EPHA5: variants seen among roughly 807,000 people sequenced by gnomAD.
EPHA5 encodes ephrin type-A receptor 5.
EPHA5 carries 60 observed loss-of-function variants against 105.0 expected under a neutral mutation model. That is an observed-to-expected ratio of 0.57 (90% CI 0.46 to 0.71). EPHA5 has a LOEUF of 0.71. Ranked by LOEUF, EPHA5 falls within the 30% of genes least tolerant of loss-of-function variation. The pLI is 0.00. For synonymous variants in EPHA5, 513 were observed against 449.1 expected (o/e 1.14, Z -1.80); for missense variants, 1,218 against 1,274.7 (o/e 0.96, Z 0.68).
chr4:65,355,328 A>G (rs1723196379), intron 11 of EPHA5, among the ~76,000 whole-genome samples: 1 of 151,732 alleles, frequency 6.6e-6, no homozygotes, highest in Non-Finnish European at 1.5e-5. Context: ...GTATTTGTAA[A>G]TGGCTCAAGA....
At chr4:65,612,600 C>A (rs1378200747) in intron 2 of EPHA5, among the ~76,000 whole-genome samples, 3 of 152,184 alleles carry the variant, frequency 2.0e-5, no homozygotes, top group Non-Finnish European at 2.9e-5. Context: ...AATTCTATAT[C>A]TCTGCTATTG....
chr4:65,336,632 G>C lies in EPHA5; in HGVS notation c.2596-507C>G, dbSNP rs139783802. ...AGTCAAAGGCTAAATTAGCATAACT[G>C]TCTCATGTATCATTTAATAATGTCA... is the stretch of plus-strand genomic sequence containing the variant. On this transcript the variant is annotated intron_variant, in intron 14 of 16. Coordinates refer to ENST00000613740, the MANE Select transcript of EPHA5 (RefSeq NM_001281766.3). Among the ~76,000 whole-genome samples the C allele has an allele frequency of 9.2e-5, 14 of 152,162 alleles. No individual in the cohort carries two copies. The East Asian group carries it at 2.5e-3, about 27-fold the overall frequency.
At chr4:65,509,476 G>A (rs1733386876) in intron 3 of EPHA5, among the ~76,000 whole-genome samples, 1 of 152,036 alleles carries the variant, frequency 6.6e-6, no homozygotes, top group African/African-American at 2.4e-5. Context: ...GGAAGAAAAA[G>A]GAAGCCAGGA....
At chr4:65,581,911 T>G (rs6825040) in intron 3 of EPHA5, among the ~76,000 whole-genome samples, 132,207 of 151,676 alleles carry the variant, frequency 0.87, 57,913 homozygotes, top group Non-Finnish European at 0.91. Flanking sequence ...AGTAATTTAC[T>G]TTAACAAAGT....
intron 3 of EPHA5, among the ~76,000 whole-genome samples, chr4:65,540,393 T>C (rs1232614926): frequency 6.9e-6 from 1 of 145,594 alleles, no homozygotes; most frequent in Non-Finnish European, 1.5e-5. Context: ...TCAGCAACCA[T>C]TTTTTTTTCC....
rs548719231 is a variant in EPHA5, at chr4:65,490,534, A to C, written c.1245T>G (p.Leu415=). The C allele has an allele frequency of 1.1e-5, 18 of 1,614,006 alleles. No homozygotes were observed. The African/African-American group carries it at 1.9e-4, about 17-fold the overall frequency. The part of the protein sequence containing the change: ...CEECGGHVRY[L]PRQSGLKNTS... ...TGTTTTTCAGGCCGCTTTGCCGGGG[A>C]AGGTACCTGACATGACCGCCACACT... is the stretch of plus-strand genomic sequence containing the variant. Residue 415 remains leucine (L), a synonymous_variant, in exon 5 of 17, where the codon CTT becomes CTG. Coordinates refer to ENST00000613740, the MANE Select transcript of EPHA5 (RefSeq NM_001281766.3).
intron 3 of EPHA5, among the ~76,000 whole-genome samples, chr4:65,583,894 G>T (rs1197646934): frequency 6.6e-6 from 1 of 151,314 alleles, no homozygotes; most frequent in Admixed American, 6.6e-5. Context: ...GTATATACTG[G>T]TTCATTAAAT....
chr4:65,637,035 T>TA lies in EPHA5; in HGVS notation c.246+6327dup, dbSNP rs770888436. On this transcript the variant is annotated intron_variant, in intron 2 of 16. Coordinates refer to ENST00000613740, the MANE Select transcript of EPHA5 (RefSeq NM_001281766.3). ...TGTCCAGAAGAAAAAAGAGGAGAGT[T>TA]AAAGTTACTATCATGAGGCAGACCA... Among the ~76,000 whole-genome samples, 14 of 152,000 alleles carry TA rather than the reference T, an allele frequency of 9.2e-5. 2 individuals carry two copies. The South Asian group carries it at 2.7e-3, about 29-fold the overall frequency.
At chr4:65,420,373 G>C (rs2149035986) in intron 6 of EPHA5, 68 bp downstream of exon 6, 1 of 1,431,462 alleles carries the variant, frequency 7.0e-7, no homozygotes, top group Non-Finnish European at 9.5e-7. Flanking sequence ...TCTGCAAGTT[G>C]GATAATTGTA....
chr4:65,501,992 G>A (rs192873173), intron 3 of EPHA5, among the ~76,000 whole-genome samples: 1 of 151,744 alleles, frequency 6.6e-6, no homozygotes, highest in Admixed American at 6.6e-5. Flanking sequence ...ACAAAAATAA[G>A]CAATAGGGGA....
chr4:65,561,829 G>T (rs753810540), intron 3 of EPHA5, among the ~76,000 whole-genome samples: 3 of 152,054 alleles, frequency 2.0e-5, no homozygotes. Context: ...TTTTAAGTAA[G>T]ATTGATATAC....
intron 2 of EPHA5, among the ~76,000 whole-genome samples, chr4:65,617,186 CCATAT>C (rs1240629433): frequency 6.6e-6 from 1 of 151,986 alleles, no homozygotes; most frequent in African/African-American, 2.4e-5. Context: ...TAGTGAAATA[CCATAT>C]CATATTATCT....
At chr4:65,648,071 A>C (rs946452330) in intron 1 of EPHA5, among the ~76,000 whole-genome samples, 2 of 152,196 alleles carry the variant, frequency 1.3e-5, no homozygotes, top group African/African-American at 4.8e-5. Context: ...AAGCTTTTAG[A>C]AAATTCACTT....
intron 3 of EPHA5, among the ~76,000 whole-genome samples, chr4:65,557,000 C>T (rs991701673): frequency 1.3e-5 from 2 of 151,602 alleles, no homozygotes; most frequent in Non-Finnish European, 2.9e-5. Context: ...TTCTGTTTGT[C>T]CTTTATTCGG....
chr4:65,371,345 G>C (rs773724724), intron 8 of EPHA5, among the ~76,000 whole-genome samples: 1 of 151,990 alleles, frequency 6.6e-6, no homozygotes, highest in Non-Finnish European at 1.5e-5. Context: ...GTCCTAGAGA[G>C]AGATGCTAGA....
chr4:65,636,557 C>T (rs898822279), intron 2 of EPHA5, among the ~76,000 whole-genome samples: 1 of 151,866 alleles, frequency 6.6e-6, no homozygotes, highest in Non-Finnish European at 1.5e-5. Context: ...TTAAGTGTCC[C>T]TTTGTGCATT....
In EPHA5 at chr4:65,482,225, G is replaced by A. The variant is rs1264519673; in HGVS notation, c.1402+8152C>T. The stretch of plus-strand genomic sequence containing the variant: ...AGGCAGGAGAAGTGCTTGAACCCAG[G>A]AGGCGGAGGTTACAGTGAGCCAAAA... On this transcript the variant is annotated intron_variant, in intron 5 of 16. Transcript: ENST00000613740. Among the ~76,000 whole-genome samples, 35 of 115,988 alleles carry A rather than the reference G, an allele frequency of 3.0e-4. No individual in the cohort carries two copies. The Admixed American group carries it at 3.6e-3, about 12-fold the overall frequency. 76.1% of individuals were successfully genotyped at this position (115,988 alleles called of 152,430 possible).
chr4:65,553,602 A>G (rs1738124168), intron 3 of EPHA5, among the ~76,000 whole-genome samples: 1 of 152,040 alleles, frequency 6.6e-6, no homozygotes. Flanking sequence ...ATCTGGTAAA[A>G]GAATAAGCAG....
chr4:65,508,292 G>A (rs1025000110), intron 3 of EPHA5, among the ~76,000 whole-genome samples: 8 of 152,098 alleles, frequency 5.3e-5, no homozygotes, highest in African/African-American at 7.2e-5. Context: ...ATGTCTATAC[G>A]GTCATAAAAT....
Sources: gnomAD v4.1 joint callset for allele counts (sites outside exome capture counted in the v4.1 genomes callset) on GRCh38, gnomAD v4.1.1 for gene constraint, MANE v1.5 for transcripts, NCBI Gene and HGNC (gene_info 2026-07-23, HGNC 2026-07-21) for gene names.